Variants in PPM1H observed in about 807,000 individuals in gnomAD.
PPM1H encodes protein phosphatase, Mg2+/Mn2+ dependent 1H.
PPM1H carries 27 observed loss-of-function variants against 54.9 expected under a neutral mutation model. That is an observed-to-expected ratio of 0.49 (90% CI 0.36 to 0.68). The LOEUF (loss-of-function observed/expected upper bound fraction) is 0.68, where lower values mean the gene tolerates loss of function less well. Among genes scored for constraint, PPM1H ranks in the 30% least tolerant of loss-of-function variants. The pLI is 0.00. For missense variants in PPM1H, 596 were observed against 667.8 expected (o/e 0.89, Z 1.19); for synonymous variants, 305 against 270.8 (o/e 1.13, Z -1.24).
At chr12:62,702,037 T>C (rs1321861355) in intron 6 of PPM1H, among the ~76,000 whole-genome samples, 1 of 152,186 alleles carries the variant, frequency 6.6e-6, no homozygotes, top group Non-Finnish European at 1.5e-5. Context: ...AAGGCTGGTA[T>C]CTCTCCCTTA....
At chr12:62,749,575 T>C (rs966597800) in intron 4 of PPM1H, among the ~76,000 whole-genome samples, 1 of 152,150 alleles carries the variant, frequency 6.6e-6, no homozygotes, top group African/African-American at 2.4e-5. Flanking sequence ...GGCTACTCTG[T>C]AGATGCTAAT....
chr12:62,753,727 G>T (rs1224410026), intron 4 of PPM1H, among the ~76,000 whole-genome samples: 4 of 152,192 alleles, frequency 2.6e-5, no homozygotes, highest in Admixed American at 6.5e-5. Context: ...ACTGGTGGGG[G>T]CTTGCCTGGG....
chr12:62,770,499 T>C (rs1308169647), intron 4 of PPM1H, among the ~76,000 whole-genome samples: 1 of 152,220 alleles, frequency 6.6e-6, no homozygotes, highest in African/African-American at 2.4e-5. Flanking sequence ...ACTGGGCCTC[T>C]GTTGTAAGGT....
chr12:62,678,528 T>C (rs759448245), intron 8 of PPM1H, among the ~76,000 whole-genome samples: 2 of 152,132 alleles, frequency 1.3e-5, no homozygotes, highest in Non-Finnish European at 2.9e-5. Flanking sequence ...TCTCAAGTCA[T>C]TGGCCAAATG....
intron 5 of PPM1H, among the ~76,000 whole-genome samples, chr12:62,736,837 C>T (rs2076352320): frequency 6.6e-6 from 1 of 152,184 alleles, no homozygotes; most frequent in South Asian, 2.1e-4. Context: ...TTACCAGAGT[C>T]ACTTTAAACC....
chr12:62,671,462 C>T (rs1435101790), intron 8 of PPM1H, among the ~76,000 whole-genome samples: 1 of 152,172 alleles, frequency 6.6e-6, no homozygotes, highest in East Asian at 1.9e-4. Flanking sequence ...CTTCAGTACG[C>T]TTTTATTGCA....
intron 1 of PPM1H, among the ~76,000 whole-genome samples, chr12:62,925,390 G>A (rs1871943069): frequency 6.6e-6 from 1 of 151,972 alleles, no homozygotes; most frequent in South Asian, 2.1e-4. Context: ...ACCAGCCTGG[G>A]CAACATGAGG....
chr12:62,786,313 C>G (rs1444645265), intron 4 of PPM1H, among the ~76,000 whole-genome samples: 1 of 152,244 alleles, frequency 6.6e-6, no homozygotes, highest in African/African-American at 2.4e-5. Context: ...GTCTTTGAAG[C>G]TGCTCAAACC....
rs150487961 is a variant in PPM1H at position 62,810,884 on chromosome 12, T to C, written c.412-8724A>G. Among the ~76,000 whole-genome samples the C allele has an allele frequency of 6.9e-3, 1,046 of 152,330 alleles. 12 individuals are homozygous for C. Among genetic ancestry groups the C allele is most frequent in the African/African-American group, 0.023 (975 of 41,570 alleles). On this transcript the variant is annotated intron_variant, in intron 2 of 9. Transcript: ENST00000228705. ...TGGCACAGACAGTAAGATTACTTCATGTAATGGTACATGTCTTGGAGCCTC... is the reference window on the plus strand; with the variant it reads ...TGGCACAGACAGTAAGATTACTTCACGTAATGGTACATGTCTTGGAGCCTC...
At chr12:62,763,884 T>C (rs1280992572) in intron 4 of PPM1H, among the ~76,000 whole-genome samples, 1 of 152,204 alleles carries the variant, frequency 6.6e-6, no homozygotes, top group Non-Finnish European at 1.5e-5. Flanking sequence ...CCTCCACTCC[T>C]GGTTGCTTTT....
intron 1 of PPM1H, among the ~76,000 whole-genome samples, chr12:62,848,611 A>G (rs1032767439): frequency 6.6e-6 from 1 of 152,214 alleles, no homozygotes; most frequent in Non-Finnish European, 1.5e-5. Flanking sequence ...AAAGCTCCCA[A>G]GTGGTGGTGA....
intron 5 of PPM1H, chr12:62,720,534 C>A: frequency 2.2e-6 from 1 of 458,002 alleles, no homozygotes; most frequent in African/African-American, 2.0e-5. Context: ...AAATGCATAG[C>A]TGAAGGGATC....
At chr12:62,874,054 A>G (rs1345799777) in intron 1 of PPM1H, among the ~76,000 whole-genome samples, 1 of 152,180 alleles carries the variant, frequency 6.6e-6, no homozygotes, top group Non-Finnish European at 1.5e-5. Context: ...AGATGCAGCT[A>G]ATGAGATATT....
At chr12:62,710,591 C>T (rs75624731) in intron 6 of PPM1H, among the ~76,000 whole-genome samples, 1,553 of 151,620 alleles carry the variant, frequency 0.01, 24 homozygotes, top group African/African-American at 0.036. Context: ...CAAATAGTGC[C>T]TGGGACAGAG....
At chr12:62,918,444 T>C (rs1871691179) in intron 1 of PPM1H, among the ~76,000 whole-genome samples, 2 of 152,246 alleles carry the variant, frequency 1.3e-5, no homozygotes. Flanking sequence ...GAAGCAATAA[T>C]GCTTTTTAAT....
chr12:62,754,947 T>C (rs2076462562), intron 4 of PPM1H, among the ~76,000 whole-genome samples: 1 of 152,152 alleles, frequency 6.6e-6, no homozygotes, highest in African/African-American at 2.4e-5. Context: ...ATGTTATCTT[T>C]ACAAGATGGG....
chr12:62,923,894 A>G (rs1871884187), intron 1 of PPM1H, among the ~76,000 whole-genome samples: 1 of 152,156 alleles, frequency 6.6e-6, no homozygotes, highest in South Asian at 2.1e-4. Context: ...GGTTAAATAC[A>G]TGGTTTTATG....
intron 1 of PPM1H, among the ~76,000 whole-genome samples, chr12:62,895,943 A>G (rs1404485654): frequency 6.6e-6 from 1 of 152,192 alleles, no homozygotes; most frequent in East Asian, 1.9e-4. Context: ...AACAAAATAA[A>G]TAGACTAAGA....
At chr12:62,866,961 C>A (rs540050574) in intron 1 of PPM1H, among the ~76,000 whole-genome samples, 1 of 152,070 alleles carries the variant, frequency 6.6e-6, no homozygotes. Context: ...TGCTTTCCCC[C>A]TCCTGCCTCA....
Sources: allele counts gnomAD v4.1 joint callset (sites outside exome capture counted in the v4.1 genomes callset), GRCh38; gene constraint gnomAD v4.1.1; transcripts MANE v1.5; gene names NCBI Gene and HGNC (gene_info 2026-07-23, HGNC 2026-07-21).